The following SUCLG2 variants were observed in gnomAD, a reference collection of about 807,000 sequenced individuals.
The protein encoded by SUCLG2 is succinate--CoA ligase [GDP-forming] subunit beta, mitochondrial.
A neutral mutation model predicts 47.9 loss-of-function variants in SUCLG2; 42 were observed. That is an observed-to-expected ratio of 0.88 (90% confidence interval 0.69 to 1.14). SUCLG2 has a LOEUF of 1.14. Ranked by LOEUF, SUCLG2 falls within the 50% of genes most tolerant of loss-of-function variation. SUCLG2 has a pLI of 0.00. For missense variants in SUCLG2, 571 were observed against 525.9 expected (o/e 1.09, Z -0.84); for synonymous variants, 195 against 197.3 (o/e 0.99, Z 0.10).
intron 9 of SUCLG2, among the ~76,000 whole-genome samples, chr3:67,425,531 T>A (rs1295188615): frequency 6.6e-6 from 1 of 151,704 alleles, no homozygotes; most frequent in Non-Finnish European, 1.5e-5. Flanking sequence ...AAAAAAAAGG[T>A]GGAAGAAGGG....
intron 9 of SUCLG2, among the ~76,000 whole-genome samples, chr3:67,483,808 C>A (rs982267391): frequency 6.6e-6 from 1 of 152,144 alleles, no homozygotes; most frequent in Non-Finnish European, 1.5e-5. Flanking sequence ...CTGGAGAACA[C>A]CCCCCTACCT....
chr3:67,400,572 G>C (rs761198875), intron 10 of SUCLG2, among the ~76,000 whole-genome samples, 159 bp downstream of exon 10: 1 of 151,278 alleles, frequency 6.6e-6, no homozygotes, highest in African/African-American at 2.4e-5. Flanking sequence ...ACATTAGTTT[G>C]CTAGAGGCCC....
chr3:67,504,309 A>G (rs945160790), intron 7 of SUCLG2, among the ~76,000 whole-genome samples: 7 of 152,188 alleles, frequency 4.6e-5, no homozygotes, highest in Admixed American at 4.6e-4. Flanking sequence ...AGTCTTGTGT[A>G]TAAAGACAGA....
chr3:67,594,141 A>T (rs1708240974), intron 2 of SUCLG2, among the ~76,000 whole-genome samples: 1 of 152,142 alleles, frequency 6.6e-6, no homozygotes, highest in South Asian at 2.1e-4. Context: ...TCAACCCACT[A>T]ATATGCAGAC....
chr3:67,383,107 A>T (rs1702192823), intron 10 of SUCLG2, among the ~76,000 whole-genome samples: 1 of 152,366 alleles, frequency 6.6e-6, no homozygotes, highest in South Asian at 2.1e-4. Context: ...TTGAGATGAT[A>T]TGTGCCTAAT....
At chr3:67,616,734 G>C (rs563196657) in intron 1 of SUCLG2, among the ~76,000 whole-genome samples, 2 of 152,220 alleles carry the variant, frequency 1.3e-5, no homozygotes, top group South Asian at 2.1e-4. Flanking sequence ...AATGTAGCAG[G>C]GTTCTTCAAA....
chr3:67,427,887 G>A (rs954655780), intron 9 of SUCLG2, among the ~76,000 whole-genome samples: 14 of 152,184 alleles, frequency 9.2e-5, no homozygotes, highest in African/African-American at 2.9e-4. Context: ...GTCTGAGATC[G>A]AACTGCAAGG....
chr3:67,468,464 A>C (rs2106977168), intron 9 of SUCLG2, among the ~76,000 whole-genome samples: 1 of 152,310 alleles, frequency 6.6e-6, no homozygotes, highest in East Asian at 1.9e-4. Context: ...GAAATGGCAC[A>C]CTGTCAGTCC....
At chr3:67,597,783 C>A (rs1172153171) in intron 2 of SUCLG2, among the ~76,000 whole-genome samples, 1 of 151,688 alleles carries the variant, frequency 6.6e-6, no homozygotes, top group South Asian at 2.1e-4. Context: ...ACGAAAAATA[C>A]AAAAATTAGC....
At chr3:67,582,283 T>G (rs964588593) in intron 2 of SUCLG2, among the ~76,000 whole-genome samples, 15 of 152,146 alleles carry the variant, frequency 9.9e-5, no homozygotes, top group Non-Finnish European at 1.8e-4. Context: ...CATTTTCAAG[T>G]AGGCCTCAGT....
chr3:67,644,279 T>C (rs1288032002), intron 1 of SUCLG2, among the ~76,000 whole-genome samples: 1 of 152,002 alleles, frequency 6.6e-6, no homozygotes, highest in Non-Finnish European at 1.5e-5. Flanking sequence ...TATACACATA[T>C]CATGGAATAT....
chr3:67,555,925 G>T (rs1707148740), intron 2 of SUCLG2, among the ~76,000 whole-genome samples: 1 of 152,202 alleles, frequency 6.6e-6, no homozygotes, highest in Non-Finnish European at 1.5e-5. Flanking sequence ...ATGTACCAAT[G>T]TGAACAGAGT....
At chr3:67,516,861 G>A (rs1414661983) in intron 6 of SUCLG2, among the ~76,000 whole-genome samples, 3 of 152,182 alleles carry the variant, frequency 2.0e-5, no homozygotes, top group Non-Finnish European at 2.9e-5. Flanking sequence ...GTGGCTGTAT[G>A]GAAAACGGGC....
At chr3:67,512,478 A>C (rs1705819848) in intron 6 of SUCLG2, among the ~76,000 whole-genome samples, 1 of 150,998 alleles carries the variant, frequency 6.6e-6, no homozygotes, top group Admixed American at 6.6e-5. Flanking sequence ...CAACCTCTGC[A>C]GAGTCAACAC....
chr3:67,479,535 G>A (rs1704856063), intron 9 of SUCLG2, among the ~76,000 whole-genome samples: 1 of 152,070 alleles, frequency 6.6e-6, no homozygotes, highest in African/African-American at 2.4e-5. Context: ...GACAGCACAA[G>A]GAACACAGAT....
At chr3:67,634,479 A>G (rs1043644899) in intron 1 of SUCLG2, among the ~76,000 whole-genome samples, 2 of 152,198 alleles carry the variant, frequency 1.3e-5, no homozygotes, top group African/African-American at 4.8e-5. Flanking sequence ...AAACAAAGTC[A>G]ACTATTAGTT....
intron 9 of SUCLG2, 105 bp downstream of exon 9, chr3:67,495,693 G>T: frequency 8.0e-7 from 1 of 1,243,266 alleles, no homozygotes; most frequent in Non-Finnish European, 1.1e-6. Flanking sequence ...TGGGGCTGCA[G>T]AGTACACATA....
At chr3:67,440,203 T>G (rs1703726254) in intron 9 of SUCLG2, among the ~76,000 whole-genome samples, 1 of 152,188 alleles carries the variant, frequency 6.6e-6, no homozygotes, top group South Asian at 2.1e-4. Context: ...GCTGGACTCC[T>G]TCCTTACACT....
chr3:67,420,913 T>C (rs1703143082), intron 9 of SUCLG2, among the ~76,000 whole-genome samples: 2 of 152,226 alleles, frequency 1.3e-5, no homozygotes, highest in Non-Finnish European at 2.9e-5. Flanking sequence ...CTAGTTTTAC[T>C]GTCAGGCACA....
Sources: gnomAD v4.1 joint callset for allele counts (sites outside exome capture counted in the v4.1 genomes callset) on GRCh38, gnomAD v4.1.1 for gene constraint, MANE v1.5 for transcripts, NCBI Gene and HGNC (gene_info 2026-07-23, HGNC 2026-07-21) for gene names.